PRPF8: variants seen among roughly 807,000 people sequenced by gnomAD.
The protein encoded by PRPF8 is pre-mRNA-processing-splicing factor 8.
In PRPF8, 64 loss-of-function variants were observed where a neutral mutation model predicts 285.9. The ratio of observed to expected loss-of-function variants is 0.22; its 90% confidence interval spans 0.18 to 0.28. PRPF8 has a LOEUF of 0.28. Ranked by LOEUF, PRPF8 falls within the 10% of genes least tolerant of loss-of-function variation. The pLI is 1.00. For missense variants in PRPF8, 1,426 were observed against 3,026.7 expected, an observed-to-expected ratio of 0.47 and a Z score of 12.41; for synonymous variants, 1,325 against 1,118.2, an observed-to-expected ratio of 1.18 and a Z score of -3.69.
chr17:1,673,044 G>C lies in PRPF8; in HGVS notation c.3774+37C>G. 6.3e-7 allele frequency: 1 copy of C among 1,581,798 alleles called. No homozygotes were observed. The highest frequency in any genetic ancestry group is 8.7e-7 in the Non-Finnish European group (1 of 1,150,572). Reference sequence around the variant, plus strand: ...GGTGTGAAATGAGCAGAGGACAGCAGAGGACAAGAGGGAAGCTGGGCATGA... The same window carrying C: ...GGTGTGAAATGAGCAGAGGACAGCACAGGACAAGAGGGAAGCTGGGCATGA... On this transcript the variant is annotated intron_variant, in intron 24 of 42. Transcript: ENST00000304992. The surrounding 1 kb of genome is among the most constrained non-coding windows in gnomAD (Gnocchi z 5.5).
At chr17:1,668,309 C>T (rs1031939692) in intron 24 of PRPF8, among the ~76,000 whole-genome samples, 1 of 151,458 alleles carries the variant, frequency 6.6e-6, no homozygotes, top group African/African-American at 2.4e-5. Flanking sequence ...CTCTTCTGCT[C>T]TCTCTCCTCT....
intron 2 of PRPF8, 30 bp from the exon 3 acceptor site, chr17:1,683,731 C>T (rs371432849): frequency 1.3e-4 from 214 of 1,612,474 alleles, no homozygotes; most frequent in Middle Eastern, 9.5e-4. Flanking sequence ...TAAAGGCCTG[C>T]ACACCCTCCC....
In PRPF8 at chr17:1,657,356, C is replaced by A. The variant is rs764704860; in HGVS notation, c.5506-595G>T. ...TCAAAGTGGATGTTTCAAGAATATGCGTTGCTGGGCCGGGCACGGTGGCTC... is the reference window on the plus strand; with the variant it reads ...TCAAAGTGGATGTTTCAAGAATATGAGTTGCTGGGCCGGGCACGGTGGCTC... On this transcript the variant is annotated intron_variant, in intron 34 of 42. Coordinates refer to ENST00000304992, the MANE Select transcript of PRPF8 (RefSeq NM_006445.4). Among the ~76,000 whole-genome samples, 5 of 151,954 alleles carry A rather than the reference C, an allele frequency of 3.3e-5. No homozygotes were observed. In the East Asian group the frequency reaches 9.6e-4, roughly 29 times the overall value.
chr17:1,651,026 C>A lies in PRPF8; in HGVS notation c.6854-70G>T. On this transcript the variant is annotated intron_variant, in intron 42 of 42. Transcript: ENST00000304992. The surrounding 1 kb of genome is among the most constrained non-coding windows in gnomAD (Gnocchi z 5.1). ...CATGCAGCCTGCGCCACCTCCAAGC[C>A]AGCCAGGCCCCAAGTGCAAAGGGCG... is the stretch of plus-strand genomic sequence containing the variant. 6.2e-7 allele frequency: 1 copy of A among 1,614,008 alleles called. No homozygotes were observed. The highest frequency in any genetic ancestry group is 1.3e-5 in the African/African-American group (1 of 75,048).
intron 24 of PRPF8, among the ~76,000 whole-genome samples, chr17:1,669,648 C>T (rs1912200757): frequency 6.6e-6 from 1 of 152,200 alleles, no homozygotes; most frequent in Non-Finnish European, 1.5e-5. Context: ...ACAGCTCCTG[C>T]TAAGGTCACC....
At position 1,683,324 on chromosome 17, in the gene PRPF8, C is replaced by A. The variant is rs372218807; in HGVS notation, c.269+209G>T. 121 of 653,630 alleles carry A rather than the reference C, an allele frequency of 1.9e-4. 1 individual carries two copies. The East Asian group carries it at 2.8e-3, about 15-fold the overall frequency. The allele number at this position is 653,630 out of a possible 1,614,324, so 40.5% of individuals were successfully genotyped here. On this transcript the variant is annotated intron_variant, in intron 3 of 42. Transcript: ENST00000304992. ...ACATCTTATAATATCATCAACAGGA[C>A]AAATTAAAGCACCAGTCCCAGATCG...
intron 5 of PRPF8, 21 bp from the exon 6 acceptor site, chr17:1,681,711 C>T (rs2151131764): frequency 6.2e-7 from 1 of 1,612,836 alleles, no homozygotes; most frequent in African/African-American, 1.3e-5. Context: ...AATGAAAGGC[C>T]CACCTCAAGT....
In PRPF8 at chr17:1,651,874, C is replaced by G. The variant is rs1911093037; in HGVS notation, c.6370-86G>C. ...CCAGCCCTCTGTTTCCTTCCTTCCC[C>G]CAAGAACGAGGACAGAGTTTCTTAA... On this transcript the variant is annotated intron_variant, in intron 39 of 42. Coordinates refer to ENST00000304992, the MANE Select transcript of PRPF8 (RefSeq NM_006445.4). This position sits in a 1 kb window ranked among gnomAD's most constrained non-coding sequence, Gnocchi z 5.1. 1 of 1,510,542 alleles carries G rather than the reference C, an allele frequency of 6.6e-7. No individual in the cohort carries two copies. Among genetic ancestry groups the G allele is most frequent in the Non-Finnish European group, 9.2e-7 (1 of 1,091,268 alleles). 93.6% of individuals were successfully genotyped at this position (1,510,542 alleles called of 1,614,324 possible). A position where few individuals can be genotyped will look rare whatever the true frequency, so the allele number is the denominator to read the frequency against.
chr17:1,654,706 A>G (rs1911262516), intron 37 of PRPF8: 2 of 166,782 alleles, frequency 1.2e-5, no homozygotes, highest in Admixed American at 1.1e-4. Flanking sequence ...ATCATGGCTC[A>G]CTGCAGCCTC....
chr17:1,681,375 TG>T, intron 6 of PRPF8, 102 bp downstream of exon 6: 1 of 1,281,308 alleles, frequency 7.8e-7, no homozygotes, highest in Non-Finnish European at 1.1e-6. Flanking sequence ...CCACTGCACC[TG>T]GTGTAAACAG....
Position 1,651,025 on chromosome 17 carries a change from C to G in PRPF8, c.6854-69G>C, listed in dbSNP as rs1374611930. 6.2e-7 allele frequency: 1 copy of G among 1,613,870 alleles called. No homozygotes were observed. The highest frequency in any genetic ancestry group is 1.3e-5 in the African/African-American group (1 of 74,930). On this transcript the variant is annotated intron_variant, in intron 42 of 42. Coordinates refer to ENST00000304992, the MANE Select transcript of PRPF8 (RefSeq NM_006445.4). This position sits in a 1 kb window ranked among gnomAD's most constrained non-coding sequence, Gnocchi z 5.1. The stretch of plus-strand genomic sequence containing the variant: ...TCATGCAGCCTGCGCCACCTCCAAG[C>G]CAGCCAGGCCCCAAGTGCAAAGGGC...
At position 1,673,743 on chromosome 17, in the gene PRPF8, C is replaced by T. The variant is rs1367031435; in HGVS notation, c.3446+3G>A. ...AGCTCACACAGCCCCAACCTAGACT[C>T]ACAAGTTAACATCATGTTTCATGAG... On this transcript the variant is annotated splice_donor_region_variant and intron_variant, in intron 22 of 42. Transcript: ENST00000304992. The surrounding 1 kb of genome is among the most constrained non-coding windows in gnomAD (Gnocchi z 5.5). 1.2e-6 allele frequency: 2 copies of T among 1,614,028 alleles called. No homozygotes were observed. The highest frequency in any genetic ancestry group is 1.3e-5 in the African/African-American group (1 of 75,034).
At chr17:1,660,962 A>AC in intron 28 of PRPF8, 31 bp downstream of exon 28, 1 of 1,613,144 alleles carries the variant, frequency 6.2e-7, no homozygotes. Context: ...AAGGGTTGTG[A>AC]CAGGTCCCTC....
Position 1,650,721 on chromosome 17 carries a change from C to A in PRPF8, c.*81G>T, listed in dbSNP as rs972131793. On this transcript the variant is annotated 3_prime_UTR_variant, in exon 43 of 43. Coordinates refer to ENST00000304992, the MANE Select transcript of PRPF8 (RefSeq NM_006445.4). ...CAAGCACAGACAGAGGGAAAGAGGC[C>A]AAACTGCTGAATGTCAGCGGCCTGT... 3.2e-6 allele frequency: 5 copies of A among 1,552,560 alleles called. No homozygotes were observed. Among genetic ancestry groups the A allele is most frequent in the Non-Finnish European group, 4.4e-6 (5 of 1,126,194 alleles).
intron 24 of PRPF8, among the ~76,000 whole-genome samples, chr17:1,668,265 C>G (rs1168761995): frequency 6.6e-6 from 1 of 152,178 alleles, no homozygotes; most frequent in Non-Finnish European, 1.5e-5. Context: ...TATCCAGTTC[C>G]CTGATGCCTA....
rs1278265534 is a variant in PRPF8, at chr17:1,674,678, G to A, written c.3063C>T (p.Asp1021=). 6.2e-7 allele frequency: 1 copy of A among 1,612,450 alleles called. No homozygotes were observed. The highest frequency in any genetic ancestry group is 8.5e-7 in the Non-Finnish European group (1 of 1,178,656). The change falls in exon 21 of 43, where the codon GAC becomes GAT. Residue 1021 remains aspartate, a splice_region_variant and synonymous_variant. Coordinates refer to ENST00000304992, the MANE Select transcript of PRPF8 (RefSeq NM_006445.4). ...AKNNVVINYK[D]MNHTNSYGII... is the part of the protein sequence containing the mutation. ...TCCCATATGAATTCGTATGGTTCAT[G>A]TCCTAGAAAGAAAGAACTACAATTC... is the stretch of plus-strand genomic sequence containing the variant.
intron 13 of PRPF8, among the ~76,000 whole-genome samples, chr17:1,678,269 C>A (rs929675464): frequency 6.6e-6 from 1 of 151,958 alleles, no homozygotes; most frequent in African/African-American, 2.4e-5. Context: ...GAGCCAAGAT[C>A]GTGCCATTGT....
At chr17:1,657,874 G>A (rs566819379) in intron 34 of PRPF8, among the ~76,000 whole-genome samples, 127 of 151,126 alleles carry the variant, frequency 8.4e-4, no homozygotes, top group African/African-American at 2.9e-3. Context: ...GGGAGGCTAA[G>A]GCAGGAGAAT....
At position 1,676,017 on chromosome 17, in the gene PRPF8, GC is replaced by G. The variant is rs1279092152; in HGVS notation, c.2589del (p.Glu863AspfsTer2). On this transcript the variant is annotated frameshift_variant, in exon 18 of 43. Coordinates refer to ENST00000304992, the MANE Select transcript of PRPF8 (RefSeq NM_006445.4). LOFTEE classifies it high-confidence loss of function. The surrounding 1 kb of genome is among the most constrained non-coding windows in gnomAD (Gnocchi z 6.3). The stretch of plus-strand genomic sequence containing the variant: ...TCGTAGGCCTGCTCGATCAGACCTA[GC>G]TCCTCCCTCTGAGACTGGTTCAACC... ...KSRLNQSQREELGLIEQAYDN... is the reference protein window; with the variant it reads ...KSRLNQSQREXLGLIEQAYDN... The G allele has an allele frequency of 6.2e-7, 1 of 1,613,564 alleles. No homozygotes were observed. Among genetic ancestry groups the G allele is most frequent in the Non-Finnish European group, 8.5e-7 (1 of 1,180,032 alleles).
Sources: gnomAD v4.1 joint callset for allele counts (sites outside exome capture counted in the v4.1 genomes callset) on GRCh38, gnomAD v4.1.1 for gene constraint, Gnocchi (gnomAD v3.1) non-coding constraint, MANE v1.5 for transcripts, NCBI Gene and HGNC (gene_info 2026-07-23, HGNC 2026-07-21) for gene names.